Variants in KLHL29 observed in about 807,000 individuals in gnomAD.
KLHL29 encodes kelch like family member 29.
KLHL29 carries 21 observed loss-of-function variants against 80.4 expected under a neutral mutation model. The observed-to-expected ratio is 0.26, with a 90% CI of 0.19 to 0.38. KLHL29 has a LOEUF of 0.38. KLHL29 is among the 10% of genes least tolerant of loss of function. The pLI, the probability that KLHL29 is intolerant of heterozygous loss-of-function variation, is 1.00. For missense variants in KLHL29, 867 were observed against 1,223.9 expected (o/e 0.71, Z 4.35); for synonymous variants, 511 against 526.8 (o/e 0.97, Z 0.41).
chr2:23,707,084 A>C lies in KLHL29; in HGVS notation c.*420A>C. 1 of 154,800 alleles carries C rather than the reference A, an allele frequency of 6.5e-6. No homozygotes were observed. The highest frequency in any genetic ancestry group is 1.4e-5 in the Non-Finnish European group (1 of 69,750). The allele number at this position is 154,800 out of a possible 1,614,324, so 9.6% of individuals were successfully genotyped here. A position where few individuals can be genotyped will look rare whatever the true frequency, so the allele number is the denominator to read the frequency against. ...CTTGGAATAAGATCAAAGTGTCCTT[A>C]TCACTTTGATTCCTACTTTTGTTTT... On this transcript the variant is annotated 3_prime_UTR_variant, in exon 14 of 14. Transcript: ENST00000486442.
chr2:23,615,073 GCGCTTCTTCCACGT>G (rs1471186927), intron 3 of KLHL29, among the ~76,000 whole-genome samples: 3 of 152,204 alleles, frequency 2.0e-5, no homozygotes, highest in African/African-American at 7.2e-5. Context: ...TCACAGCTCG[GCGCTTCTTCCACGT>G]CCTATCCAGT....
chr2:23,537,417 T>TACACACAC (rs5741924), intron 2 of KLHL29, among the ~76,000 whole-genome samples: 2 of 149,158 alleles, frequency 1.3e-5, no homozygotes, highest in African/African-American at 2.5e-5. Context: ...GGGCAGAAAC[T>TACACACAC]ACACACACAC....
rs181565431 is a variant in KLHL29, at chr2:23,537,571, T to C, written c.-45-24581T>C. On this transcript the variant is annotated intron_variant, in intron 2 of 13. Coordinates refer to ENST00000486442, the MANE Select transcript of KLHL29 (RefSeq NM_052920.2). ...TAGTGCTTAGAATGCAGAGTTGTTATAACCATACAAGATACTAGGATTCAT... is the reference window on the plus strand; with the variant it reads ...TAGTGCTTAGAATGCAGAGTTGTTACAACCATACAAGATACTAGGATTCAT... Among the ~76,000 whole-genome samples, 24 of 152,282 alleles carry C rather than the reference T, an allele frequency of 1.6e-4. No homozygotes were observed. In the East Asian group the frequency reaches 4.4e-3, roughly 28 times the overall value.
At chr2:23,443,351 C>T (rs1663585583) in intron 1 of KLHL29, among the ~76,000 whole-genome samples, 3 of 152,190 alleles carry the variant, frequency 2.0e-5, no homozygotes, top group African/African-American at 7.2e-5. Flanking sequence ...AAAAAATTCT[C>T]CACAATCATC....
intron 3 of KLHL29, among the ~76,000 whole-genome samples, chr2:23,633,481 CT>C (rs150273493): frequency 5.4e-5 from 8 of 148,374 alleles, no homozygotes; most frequent in Middle Eastern, 3.5e-3. Flanking sequence ...CTGTGTATCC[CT>C]TTTTTTTTTA....
intron 3 of KLHL29, among the ~76,000 whole-genome samples, chr2:23,606,189 G>GGAGAGAGAGAGAGAGGGAGA (rs757910245): frequency 1.8e-4 from 26 of 140,736 alleles, no homozygotes; most frequent in Non-Finnish European, 3.0e-4. Flanking sequence ...AGAGAGAGAG[G>GGAGAGAGAGAGAGAGGGAGA]GAGAGAGAGA....
rs369626275 is a variant in KLHL29 at position 23,519,238 on chromosome 2, C to T, written c.-45-42914C>T. Among the ~76,000 whole-genome samples the T allele has an allele frequency of 5.6e-4, 86 of 152,314 alleles. No individual in the cohort carries two copies. The East Asian group carries it at 0.012, about 21-fold the overall frequency. ...TCAGTCTTGGACCCGTCCACTACCC[C>T]GTCATCCACCCATGACTTCTTCCAG... is the stretch of plus-strand genomic sequence containing the variant. On this transcript the variant is annotated intron_variant, in intron 2 of 13. Transcript: ENST00000486442.
chr2:23,475,403 A>G (rs956283167), intron 1 of KLHL29, among the ~76,000 whole-genome samples, 157 bp from the exon 2 acceptor site: 11 of 152,092 alleles, frequency 7.2e-5, no homozygotes, highest in African/African-American at 2.4e-4. Flanking sequence ...ACTCAGCATC[A>G]GGGATATCTG....
intron 3 of KLHL29, among the ~76,000 whole-genome samples, chr2:23,567,187 C>T (rs1471735794): frequency 2.0e-5 from 3 of 152,224 alleles, no homozygotes; most frequent in Admixed American, 6.5e-5. Context: ...AAATTATTCT[C>T]AGCAAACCTG....
chr2:23,556,749 A>G (rs948969556), intron 2 of KLHL29, among the ~76,000 whole-genome samples: 4 of 152,168 alleles, frequency 2.6e-5, no homozygotes, highest in African/African-American at 9.7e-5. Flanking sequence ...CCCAAAGGCC[A>G]GAGCCAAGTT....
rs1558343612 is a variant in KLHL29 at position 23,452,903 on chromosome 2, C to CA, written c.-153-22657_-153-22656insA. Among the ~76,000 whole-genome samples the CA allele has an allele frequency of 1.8e-3, 253 of 140,694 alleles. 2 individuals are homozygous for CA. Among genetic ancestry groups the CA allele is most frequent in the African/African-American group, 7.1e-3 (241 of 33,782 alleles). The allele number at this position is 140,694 out of a possible 152,430, so 92.3% of individuals were successfully genotyped here. On this transcript the variant is annotated intron_variant, in intron 1 of 13. Transcript: ENST00000486442. ...GTTGAGGGACTCTGAAGACTGGTCA[C>CA]CCCCCCGCCCACACACACACACACA... is the stretch of plus-strand genomic sequence containing the variant.
intron 3 of KLHL29, among the ~76,000 whole-genome samples, chr2:23,636,578 C>G (rs1669614872): frequency 6.6e-6 from 1 of 152,184 alleles, no homozygotes; most frequent in African/African-American, 2.4e-5. Context: ...TTCTTTCCCT[C>G]GAGCTGTTCA....
chr2:23,470,807 C>T lies in KLHL29; in HGVS notation c.-153-4753C>T, dbSNP rs548458609. ...TACTCCATCTTTGCATCTTCACTCT[C>T]CCCTTTAAAAAGCAGTGCCTTCCGG... On this transcript the variant is annotated intron_variant, in intron 1 of 13. Transcript: ENST00000486442. Among the ~76,000 whole-genome samples the T allele has an allele frequency of 2.0e-5, 3 of 152,330 alleles. No individual in the cohort carries two copies. The East Asian group carries it at 5.8e-4, about 29-fold the overall frequency.
intron 2 of KLHL29, among the ~76,000 whole-genome samples, chr2:23,555,652 G>A (rs933002972): frequency 2.6e-5 from 4 of 152,358 alleles, no homozygotes; most frequent in South Asian, 2.1e-4. Context: ...ACACTTTTTG[G>A]TGAGCAGGTG....
intron 12 of KLHL29, 43 bp downstream of exon 12, chr2:23,703,422 C>A: frequency 7.1e-7 from 1 of 1,403,528 alleles, no homozygotes. Flanking sequence ...AGGGTCGCAT[C>A]CCTGCCTTGC....
Position 23,706,555 on chromosome 2 carries a change from T to TGG in KLHL29, c.2520_2521dup (p.Glu841GlyfsTer28). ...AGTGAAGGGCCCGCGCTGGGCAACATGGAGGCCTACGAGCCCACAACCAAC... is the reference window on the plus strand; with the variant it reads ...AGTGAAGGGCCCGCGCTGGGCAACATGGGGAGGCCTACGAGCCCACAACCAAC... On this transcript the variant is annotated frameshift_variant, in exon 14 of 14. Transcript: ENST00000486442. LOFTEE classifies it high-confidence loss of function. 1 of 1,537,136 alleles carries TGG rather than the reference T, an allele frequency of 6.5e-7. No individual in the cohort carries two copies. The highest frequency in any genetic ancestry group is 8.7e-7 in the Non-Finnish European group (1 of 1,146,890).
chr2:23,444,467 G>A (rs1380625483), intron 1 of KLHL29, among the ~76,000 whole-genome samples: 3 of 152,070 alleles, frequency 2.0e-5, no homozygotes, highest in Non-Finnish European at 2.9e-5. Context: ...TGAGATTACA[G>A]GCGCCTGCCA....
intron 3 of KLHL29, among the ~76,000 whole-genome samples, chr2:23,620,245 C>T (rs1019062168): frequency 2.6e-5 from 4 of 152,210 alleles, no homozygotes; most frequent in East Asian, 1.9e-4. Context: ...AGGAGGCCAG[C>T]GGGGCCCATC....
In KLHL29 at chr2:23,503,798, C is replaced by T. The variant is rs1451815580; in HGVS notation, c.-46+28131C>T. Among the ~76,000 whole-genome samples the T allele has an allele frequency of 6.6e-6, 1 of 152,230 alleles. No homozygotes were observed. The highest frequency in any genetic ancestry group is 1.5e-5 in the Non-Finnish European group (1 of 68,036). ...AGACAGGAGGTCTCAGAGCACAGCA[C>T]GCCAGACCTCTAGTCCACACAGTCC... On this transcript the variant is annotated intron_variant, in intron 2 of 13. Coordinates refer to ENST00000486442, the MANE Select transcript of KLHL29 (RefSeq NM_052920.2). This position sits in a 1 kb window ranked among gnomAD's most constrained non-coding sequence, Gnocchi z 4.0.
Sources: allele counts gnomAD v4.1 joint callset (sites outside exome capture counted in the v4.1 genomes callset), GRCh38; gene constraint gnomAD v4.1.1; non-coding constraint Gnocchi (gnomAD v3.1); transcripts MANE v1.5; gene names NCBI Gene and HGNC (gene_info 2026-07-23, HGNC 2026-07-21).